The following CCDC141 variants were observed in gnomAD, a reference collection of about 807,000 sequenced individuals.
The protein encoded by CCDC141 is coiled-coil domain-containing protein 141.
Under a neutral mutation model 181.0 loss-of-function variants are expected in CCDC141, and 168 were observed. That is an observed-to-expected ratio of 0.93 (90% confidence interval 0.82 to 1.05). The LOEUF (loss-of-function observed/expected upper bound fraction) is 1.05. Ranked by LOEUF, CCDC141 falls within the 50% of genes least tolerant of loss-of-function variation. CCDC141 has a pLI of 0.00. For synonymous variants in CCDC141, 666 were observed against 642.3 expected (o/e 1.04, Z -0.56); for missense variants, 1,902 against 1,788.5 (o/e 1.06, Z -1.14).
chr2:178,915,016 C>T (rs907812578), intron 7 of CCDC141, among the ~76,000 whole-genome samples: 2 of 151,884 alleles, frequency 1.3e-5, no homozygotes, highest in African/African-American at 4.8e-5. Context: ...AATCCCATCT[C>T]TACAAAAAAT....
chr2:179,041,193 C>A (rs2043290399), intron 2 of CCDC141, among the ~76,000 whole-genome samples: 1 of 152,142 alleles, frequency 6.6e-6, no homozygotes, highest in African/African-American at 2.4e-5. Flanking sequence ...TGCCTCCACG[C>A]CATTCTCCTG....
At chr2:178,988,524 A>G (rs1691871538) in intron 2 of CCDC141, among the ~76,000 whole-genome samples, 1 of 152,142 alleles carries the variant, frequency 6.6e-6, no homozygotes, top group Non-Finnish European at 1.5e-5. Context: ...AATAAATGGA[A>G]AGAGAACCCA....
chr2:179,038,662 A>G lies in CCDC141; in HGVS notation c.225+8622T>C, dbSNP rs575792308. Among the ~76,000 whole-genome samples, 28 of 152,318 alleles carry G rather than the reference A, an allele frequency of 1.8e-4. 2 individuals carry two copies. In the South Asian group the frequency reaches 5.4e-3, roughly 29 times the overall value. The stretch of plus-strand genomic sequence containing the variant: ...TTTACTACTAATATATTCTATTTAT[A>G]GTACATTCATTTCTAGCACAGAAAA... On this transcript the variant is annotated intron_variant, in intron 2 of 23. Coordinates refer to ENST00000443758, the MANE Select transcript of CCDC141 (RefSeq NM_173648.4).
chr2:178,848,993 AT>A (rs1685054430), intron 21 of CCDC141, among the ~76,000 whole-genome samples: 1 of 152,164 alleles, frequency 6.6e-6, no homozygotes, highest in Admixed American at 6.5e-5. Context: ...GAAGATGTTC[AT>A]TGTAGTGTTA....
intron 6 of CCDC141, among the ~76,000 whole-genome samples, chr2:178,930,423 C>T (rs1432307278): frequency 6.6e-6 from 1 of 152,086 alleles, no homozygotes; most frequent in East Asian, 1.9e-4. Flanking sequence ...ATCAGAATCT[C>T]ACTGGCCTTT....
At chr2:178,986,778 T>G (rs1672997342) in intron 2 of CCDC141, among the ~76,000 whole-genome samples, 1 of 151,806 alleles carries the variant, frequency 6.6e-6, no homozygotes, top group African/African-American at 2.4e-5. Context: ...AAGGACCTCT[T>G]CAAGGAGAAC....
chr2:178,865,595 C>T (rs1168874230), intron 17 of CCDC141, among the ~76,000 whole-genome samples, 172 bp downstream of exon 17: 2 of 152,218 alleles, frequency 1.3e-5, no homozygotes, highest in Non-Finnish European at 2.9e-5. Flanking sequence ...ACTTCCAGAT[C>T]CCTGAGGTCA....
intron 2 of CCDC141, among the ~76,000 whole-genome samples, chr2:179,016,329 C>T (rs2042540391): frequency 6.6e-6 from 1 of 151,888 alleles, no homozygotes; most frequent in Non-Finnish European, 1.5e-5. Context: ...CACCTGTACC[C>T]TAGTAACTTA....
intron 11 of CCDC141, among the ~76,000 whole-genome samples, chr2:178,882,082 T>A (rs947517547): frequency 2.4e-4 from 37 of 151,830 alleles, no homozygotes; most frequent in African/African-American, 8.7e-4. Context: ...TGTTAAAAAT[T>A]AGAGGATGGC....
intron 2 of CCDC141, among the ~76,000 whole-genome samples, chr2:178,989,914 C>T (rs184226619): frequency 6.1e-5 from 9 of 148,400 alleles, no homozygotes; most frequent in African/African-American, 2.2e-4. Flanking sequence ...CTGAGGCAGG[C>T]GGATCACCTG....
At chr2:178,977,893 G>C (rs527425616) in intron 3 of CCDC141, among the ~76,000 whole-genome samples, 1 of 152,094 alleles carries the variant, frequency 6.6e-6, no homozygotes, top group Non-Finnish European at 1.5e-5. Flanking sequence ...TGTAGAATTC[G>C]AGAAAAATCA....
rs1041597485 is a variant in CCDC141, at chr2:178,874,349, T to G, written c.1900-2037A>C. ...GGGTAGAGTGACCGTGTTTATGACA[T>G]CAAGATAAAAGAACACCAAAGCACA... is the stretch of plus-strand genomic sequence containing the variant. On this transcript the variant is annotated intron_variant, in intron 12 of 23. Transcript: ENST00000443758. 3.3e-5 allele frequency: 5 copies of G among 152,294 alleles called. 1 individual carries two copies. In the South Asian group the frequency reaches 1.0e-3, roughly 32 times the overall value. 9.4% of individuals were successfully genotyped at this position (152,294 alleles called of 1,614,324 possible).
downstream of CCDC141, among the ~76,000 whole-genome samples, chr2:178,826,431 T>A (rs972739382): frequency 6.6e-6 from 1 of 152,222 alleles, no homozygotes; most frequent in Non-Finnish European, 1.5e-5. Flanking sequence ...AGCATAATTC[T>A]GACCCAAGAG....
In CCDC141 at chr2:178,897,597, G is replaced by A. The variant is rs569953011; in HGVS notation, c.1265+7732C>T. Among the ~76,000 whole-genome samples the A allele has an allele frequency of 2.0e-4, 31 of 152,260 alleles. 2 individuals carry two copies. The South Asian group carries it at 5.0e-3, about 24-fold the overall frequency. ...GGATGAGGCATATAAGCTTAAATCC[G>A]CCATGATGAGGTAGAATGAAACCTT... On this transcript the variant is annotated intron_variant, in intron 8 of 23. Transcript: ENST00000443758.
chr2:178,936,405 T>C (rs1344523839), intron 6 of CCDC141, among the ~76,000 whole-genome samples: 1 of 152,118 alleles, frequency 6.6e-6, no homozygotes, highest in Non-Finnish European at 1.5e-5. Flanking sequence ...CAGGTGGTCA[T>C]AGGTTTGCGG....
intron 17 of CCDC141, among the ~76,000 whole-genome samples, chr2:178,859,878 C>G (rs1273853121): frequency 2.0e-5 from 3 of 151,990 alleles, no homozygotes; most frequent in African/African-American, 7.3e-5. Flanking sequence ...CCAAGTGAGG[C>G]TGGCTTGCTA....
intron 17 of CCDC141, among the ~76,000 whole-genome samples, chr2:178,860,545 T>C (rs1411468510): frequency 2.9e-5 from 2 of 67,976 alleles, no homozygotes; most frequent in Non-Finnish European, 7.8e-5. Context: ...AAACAACACT[T>C]TTTTTTTTTT....
chr2:178,838,417 C>A (rs1447027060), intron 22 of CCDC141, among the ~76,000 whole-genome samples: 2 of 152,124 alleles, frequency 1.3e-5, no homozygotes, highest in East Asian at 3.8e-4. Flanking sequence ...TGTCTTCCCC[C>A]GACTCAGCCT....
chr2:178,888,027 C>T (rs1359570705), intron 9 of CCDC141, among the ~76,000 whole-genome samples: 2 of 152,148 alleles, frequency 1.3e-5, no homozygotes, highest in Non-Finnish European at 2.9e-5. Context: ...TGTTTATATG[C>T]AGAATGACTG....
Sources: gnomAD v4.1 joint callset for allele counts (sites outside exome capture counted in the v4.1 genomes callset) on GRCh38, gnomAD v4.1.1 for gene constraint, MANE v1.5 for transcripts, NCBI Gene and HGNC (gene_info 2026-07-23, HGNC 2026-07-21) for gene names.